Variants in LDLRAD3 observed in about 807,000 individuals in gnomAD.
LDLRAD3 encodes low density lipoprotein receptor class A domain containing 3, also known as low-density lipoprotein receptor class A domain-containing protein 3.
LDLRAD3 carries 20 observed loss-of-function variants against 29.4 expected under a neutral mutation model. The observed-to-expected ratio is 0.68, with a 90% CI of 0.48 to 0.99. The LOEUF is 0.99. Ranked by LOEUF, LDLRAD3 falls within the 50% of genes least tolerant of loss-of-function variation. The probability of loss-of-function intolerance (pLI) is 0.00; values close to 1 mark genes in which losing one functional copy is unlikely to be tolerated. For synonymous variants in LDLRAD3, 157 were observed against 192.7 expected (o/e 0.81, Z 1.53); for missense variants, 420 against 454.3 (o/e 0.92, Z 0.69).
chr11:36,027,791 T>G (rs1372163362), intron 1 of LDLRAD3, among the ~76,000 whole-genome samples: 5 of 152,232 alleles, frequency 3.3e-5, no homozygotes, highest in Non-Finnish European at 7.3e-5. Flanking sequence ...TTTTGGGCAG[T>G]GGCTGTTCCT....
At chr11:36,119,035 A>G (rs1048695215) in intron 4 of LDLRAD3, among the ~76,000 whole-genome samples, 2 of 152,244 alleles carry the variant, frequency 1.3e-5, no homozygotes, top group African/African-American at 4.8e-5. Flanking sequence ...TCCCTGGGCC[A>G]TATTGGAAGA....
At chr11:36,098,812 A>G (rs559000266) in intron 4 of LDLRAD3, among the ~76,000 whole-genome samples, 1 of 152,222 alleles carries the variant, frequency 6.6e-6, no homozygotes, top group Admixed American at 6.5e-5. Context: ...TTTCCCTTGA[A>G]TTACTTCTTT....
chr11:36,222,690 C>T (rs954442058), intron 4 of LDLRAD3, among the ~76,000 whole-genome samples: 2 of 152,146 alleles, frequency 1.3e-5, no homozygotes, highest in Admixed American at 1.3e-4. Context: ...GTCCAGACAG[C>T]ACCTCTGAGT....
intron 1 of LDLRAD3, among the ~76,000 whole-genome samples, chr11:36,005,067 T>C (rs1410857270): frequency 1.3e-5 from 2 of 152,232 alleles, no homozygotes; most frequent in Non-Finnish European, 2.9e-5. Flanking sequence ...TCTCCTGTTG[T>C]CTTGGCTATT....
chr11:36,079,642 G>A (rs1391532947), intron 2 of LDLRAD3, among the ~76,000 whole-genome samples: 1 of 152,174 alleles, frequency 6.6e-6, no homozygotes, highest in African/African-American at 2.4e-5. Flanking sequence ...TATGTTGCAT[G>A]GGTGCAAGAG....
intron 4 of LDLRAD3, among the ~76,000 whole-genome samples, chr11:36,151,517 G>T (rs1854277622): frequency 6.6e-6 from 1 of 152,154 alleles, no homozygotes. Context: ...CACATAGCTA[G>T]TAAACAATTG....
At chr11:36,118,534 G>GGA (rs371297512) in intron 4 of LDLRAD3, among the ~76,000 whole-genome samples, 2 of 150,132 alleles carry the variant, frequency 1.3e-5, no homozygotes, top group African/African-American at 2.4e-5. Flanking sequence ...AGAGAAGGAG[G>GGA]GAGAGAGAGA....
At chr11:36,079,014 G>A (rs1057330307) in intron 2 of LDLRAD3, among the ~76,000 whole-genome samples, 3 of 152,134 alleles carry the variant, frequency 2.0e-5, no homozygotes, top group Non-Finnish European at 4.4e-5. Flanking sequence ...GTCTGGGAGC[G>A]GATCCTACCA....
At position 36,029,766 on chromosome 11, in the gene LDLRAD3, G is replaced by A. The variant is rs571704320; in HGVS notation, c.47-6337G>A. ...ACTCGCTTTGTAAGAAAGGAACGAA[G>A]CCTTTATCATTTTGTGACTCATGCT... On this transcript the variant is annotated intron_variant, in intron 1 of 5. Coordinates refer to ENST00000315571, the MANE Select transcript of LDLRAD3 (RefSeq NM_174902.4). Among the ~76,000 whole-genome samples, 51 of 152,260 alleles carry A rather than the reference G, an allele frequency of 3.3e-4. No individual in the cohort carries two copies. The South Asian group carries it at 1.0e-2, about 30-fold the overall frequency.
At chr11:36,120,610 A>G (rs935548121) in intron 4 of LDLRAD3, among the ~76,000 whole-genome samples, 1 of 152,148 alleles carries the variant, frequency 6.6e-6, no homozygotes, top group Non-Finnish European at 1.5e-5. Context: ...ACCCAGAGGC[A>G]TTAGTTAATT....
chr11:35,979,664 A>G (rs1455685618), intron 1 of LDLRAD3, among the ~76,000 whole-genome samples: 4 of 152,176 alleles, frequency 2.6e-5, no homozygotes, highest in Non-Finnish European at 5.9e-5. Context: ...CCTCTTCTGA[A>G]GACATTGGGA....
At chr11:36,209,541 G>A (rs1363109849) in intron 4 of LDLRAD3, among the ~76,000 whole-genome samples, 13 of 151,802 alleles carry the variant, frequency 8.6e-5, no homozygotes, top group Admixed American at 8.5e-4. Context: ...TGTATTTTTA[G>A]TAGAGACAGG....
chr11:36,199,527 C>T (rs573079843), intron 4 of LDLRAD3, among the ~76,000 whole-genome samples: 41 of 152,188 alleles, frequency 2.7e-4, no homozygotes, highest in African/African-American at 9.2e-4. Context: ...ATGAGGGTCC[C>T]TGTTATATAA....
intron 4 of LDLRAD3, among the ~76,000 whole-genome samples, chr11:36,212,644 G>T (rs1362664705): frequency 6.6e-6 from 1 of 151,886 alleles, no homozygotes; most frequent in Non-Finnish European, 1.5e-5. Context: ...CTGTGTCTTA[G>T]CAAAGAGGCC....
At chr11:36,191,076 A>G (rs1854933878) in intron 4 of LDLRAD3, among the ~76,000 whole-genome samples, 1 of 152,192 alleles carries the variant, frequency 6.6e-6, no homozygotes, top group Non-Finnish European at 1.5e-5. Context: ...AAAAAGAAAG[A>G]CACAGGATAT....
At chr11:36,053,212 A>G (rs1012847649) in intron 2 of LDLRAD3, among the ~76,000 whole-genome samples, 1 of 152,096 alleles carries the variant, frequency 6.6e-6, no homozygotes, top group Non-Finnish European at 1.5e-5. Context: ...GTTGATTCCT[A>G]CTGGACTTGC....
At chr11:36,027,667 T>G (rs964454688) in intron 1 of LDLRAD3, among the ~76,000 whole-genome samples, 5 of 152,246 alleles carry the variant, frequency 3.3e-5, no homozygotes, top group African/African-American at 1.2e-4. Flanking sequence ...TGGAGGCATC[T>G]GCATGGAGCA....
chr11:36,147,919 G>A (rs1157413142), intron 4 of LDLRAD3, among the ~76,000 whole-genome samples: 2 of 152,080 alleles, frequency 1.3e-5, no homozygotes, highest in Admixed American at 6.5e-5. Flanking sequence ...TGCCCAGGCT[G>A]GAGTGCAGTG....
intron 4 of LDLRAD3, among the ~76,000 whole-genome samples, chr11:36,226,476 T>C (rs2133393526): frequency 6.6e-6 from 1 of 152,354 alleles, no homozygotes; most frequent in East Asian, 1.9e-4. Flanking sequence ...CTACAAGAAC[T>C]CTCACTCCTG....
Sources: gnomAD v4.1 joint callset for allele counts (sites outside exome capture counted in the v4.1 genomes callset) on GRCh38, gnomAD v4.1.1 for gene constraint, MANE v1.5 for transcripts, NCBI Gene and HGNC (gene_info 2026-07-23, HGNC 2026-07-21) for gene names.